The following ANO3 variants were observed in gnomAD, a reference collection of about 807,000 sequenced individuals.
The protein encoded by ANO3 is anoctamin-3.
Under a neutral mutation model 144.8 loss-of-function variants are expected in ANO3, and 99 were observed. The ratio of observed to expected loss-of-function variants is 0.68; its 90% CI spans 0.58 to 0.81. ANO3 has a LOEUF of 0.81. ANO3 is among the 30% of genes least tolerant of loss of function. The pLI is 0.00. For synonymous variants in ANO3, 414 were observed against 392.6 expected, an observed-to-expected ratio of 1.05 and a Z score of -0.64; for missense variants, 905 against 1,202.2, an observed-to-expected ratio of 0.75 and a Z score of 3.66.
chr11:26,247,416 C>CT (rs1281940338), intron 1 of ANO3, among the ~76,000 whole-genome samples: 1 of 152,028 alleles, frequency 6.6e-6, no homozygotes, highest in East Asian at 1.9e-4. Flanking sequence ...TCCAGTTTTT[C>CT]TTTTTTTATT....
chr11:26,453,214 A>C (rs1226978201), intron 3 of ANO3, among the ~76,000 whole-genome samples: 1 of 152,210 alleles, frequency 6.6e-6, no homozygotes, highest in Non-Finnish European at 1.5e-5. Flanking sequence ...GACAGGATCA[A>C]ATTCACACAT....
intron 1 of ANO3, among the ~76,000 whole-genome samples, chr11:26,368,885 A>G (rs1856169935): frequency 6.6e-6 from 1 of 152,054 alleles, no homozygotes; most frequent in South Asian, 2.1e-4. Context: ...TTTAAAATAT[A>G]ATGTTTATAA....
chr11:26,627,814 AGTGTGTGTGTGTGTGT>A (rs72002807), intron 18 of ANO3, among the ~76,000 whole-genome samples: 1 of 131,208 alleles, frequency 7.6e-6, no homozygotes, highest in Non-Finnish European at 1.6e-5. Flanking sequence ...AATAGAATCT[AGTGTGTGTGTGTGTGT>A]GTGTGTGTGT....
intron 14 of ANO3, among the ~76,000 whole-genome samples, chr11:26,574,801 T>C (rs1210881209): frequency 6.6e-6 from 1 of 152,158 alleles, no homozygotes; most frequent in Non-Finnish European, 1.5e-5. Context: ...CTATAACTTT[T>C]TGGAAAGGTC....
chr11:26,450,388 G>A (rs77914127), intron 3 of ANO3, among the ~76,000 whole-genome samples: 1 of 152,196 alleles, frequency 6.6e-6, no homozygotes, highest in South Asian at 2.1e-4. Flanking sequence ...ACTGGCTAGT[G>A]GTAGTACTTT....
At chr11:26,495,739 A>G (rs1860910530) in intron 4 of ANO3, among the ~76,000 whole-genome samples, 1 of 152,184 alleles carries the variant, frequency 6.6e-6, no homozygotes, top group South Asian at 2.1e-4. Context: ...TGCAAACGTA[A>G]GGAACACAGC....
At chr11:26,338,652 G>A (rs759942160) in intron 1 of ANO3, among the ~76,000 whole-genome samples, 3 of 152,168 alleles carry the variant, frequency 2.0e-5, no homozygotes, top group East Asian at 1.9e-4. Flanking sequence ...CACTCACCGC[G>A]AGGGTCTCCA....
chr11:26,576,163 G>A (rs1289666239), intron 14 of ANO3, among the ~76,000 whole-genome samples: 1 of 152,158 alleles, frequency 6.6e-6, no homozygotes, highest in Non-Finnish European at 1.5e-5. Context: ...CCACGTCACA[G>A]TTTCTTTGTT....
chr11:26,518,213 A>G (rs1245979788), intron 6 of ANO3, among the ~76,000 whole-genome samples: 3 of 152,062 alleles, frequency 2.0e-5, no homozygotes, highest in Non-Finnish European at 4.4e-5. Context: ...GAATTTTTCT[A>G]TCTTCATGCT....
intron 1 of ANO3, among the ~76,000 whole-genome samples, chr11:26,372,098 C>T (rs1223265293): frequency 6.6e-6 from 1 of 152,088 alleles, no homozygotes; most frequent in Non-Finnish European, 1.5e-5. Context: ...TCCTATAATC[C>T]CCACATGTTG....
intron 1 of ANO3, among the ~76,000 whole-genome samples, chr11:26,401,985 T>A (rs1034878834): frequency 6.6e-6 from 1 of 152,100 alleles, no homozygotes; most frequent in Admixed American, 6.6e-5. Context: ...CTCATTCTTT[T>A]TATGGTTACA....
rs576323411 is a variant in ANO3, at chr11:26,568,902, C to T, written c.1447+9123C>T. ...ATCTACGGCATGTGATCTAATTTGT[C>T]AATTGTACTTAGCCACTATTTTCAG... On this transcript the variant is annotated intron_variant, in intron 14 of 26. Coordinates refer to ENST00000256737, the MANE Select transcript of ANO3 (RefSeq NM_031418.4). Among the ~76,000 whole-genome samples the T allele has an allele frequency of 2.2e-4, 33 of 152,138 alleles. 1 individual carries two copies. In the East Asian group the frequency reaches 3.7e-3, roughly 17 times the overall value.
In ANO3 at chr11:26,634,193, G is replaced by A. The variant is rs369787782; in HGVS notation, c.1874-11G>A. The A allele has an allele frequency of 6.9e-6, 11 of 1,594,824 alleles. No homozygotes were observed. In the African/African-American group the frequency reaches 1.3e-4, roughly 19 times the overall value. ...CCTCACCTGTGTCAATGCAACCTGT[G>A]TTCCTTTTAGAATATCCTCGAACAG... On this transcript the variant is annotated splice_polypyrimidine_tract_variant and intron_variant, in intron 18 of 26. Transcript: ENST00000256737.
At chr11:26,394,144 T>A (rs12796591) in intron 1 of ANO3, among the ~76,000 whole-genome samples, 17,259 of 152,190 alleles carry the variant, frequency 0.11, 1,200 homozygotes, top group Admixed American at 0.19. Context: ...TTTCCCAAAC[T>A]GCTTTCATAG....
chr11:26,471,870 G>C (rs976909901), intron 4 of ANO3, among the ~76,000 whole-genome samples: 8 of 151,928 alleles, frequency 5.3e-5, no homozygotes, highest in Non-Finnish European at 1.2e-4. Context: ...TAATGTCTCA[G>C]TAATTAAACA....
In ANO3 at chr11:26,443,812, G is replaced by C. The variant is rs150330193; in HGVS notation, c.289G>C (p.Ala97Pro). ...KNDSVLRCSF[A>P]DLSDFCLALG... ...CGACTCTGTGCTGAGATGTTCATTT[G>C]CTGACCTCAGCGATTTTTGTTTGGG... is the stretch of plus-strand genomic sequence containing the variant. Residue 97 changes from alanine (A) to proline (P), a missense_variant, in exon 3 of 27, where the codon GCT (alanine) becomes CCT (proline). Ala to Pro is a conservative substitution (Grantham distance 27, BLOSUM62 -1). Around this residue, in one of 4 missense-constraint regions of ANO3, gnomAD observed 174 missense variants for 171.9 expected, o/e 1.01. Coordinates refer to ENST00000256737, the MANE Select transcript of ANO3 (RefSeq NM_031418.4). 3 of 1,611,736 alleles carry C rather than the reference G, an allele frequency of 1.9e-6. No individual in the cohort carries two copies. Among genetic ancestry groups the C allele is most frequent in the Non-Finnish European group, 2.5e-6 (3 of 1,178,912 alleles).
chr11:26,408,171 A>G (rs1268030105), intron 1 of ANO3, among the ~76,000 whole-genome samples: 4 of 152,032 alleles, frequency 2.6e-5, no homozygotes, highest in Admixed American at 2.6e-4. Flanking sequence ...AGAAACTACC[A>G]TCAGAGTGAA....
At chr11:26,503,325 T>C (rs976938343) in intron 4 of ANO3, among the ~76,000 whole-genome samples, 3 of 152,154 alleles carry the variant, frequency 2.0e-5, no homozygotes, top group Non-Finnish European at 2.9e-5. Context: ...ACTGTTATTA[T>C]ACCAAACAAT....
At chr11:26,380,720 G>A (rs752432869) in intron 1 of ANO3, among the ~76,000 whole-genome samples, 8 of 152,060 alleles carry the variant, frequency 5.3e-5, no homozygotes, top group Non-Finnish European at 7.4e-5. Flanking sequence ...GAAGTCTCAC[G>A]CCTGTAATCC....
Sources: gnomAD v4.1 joint callset for allele counts (sites outside exome capture counted in the v4.1 genomes callset) on GRCh38, gnomAD v4.1.1 for gene constraint, gnomAD v4.1.1 regional missense constraint, MANE v1.5 for transcripts, NCBI Gene and HGNC (gene_info 2026-07-23, HGNC 2026-07-21) for gene names.